The following NEB variants were observed in gnomAD, a reference collection of about 807,000 sequenced individuals.
NEB encodes the protein nemaline myopathy type 2.
In NEB, 512 loss-of-function variants were observed where a neutral mutation model predicts 952.2. The observed-to-expected ratio is 0.54, with a 90% confidence interval of 0.50 to 0.58. The LOEUF (loss-of-function observed/expected upper bound fraction) is 0.58, where lower values mean the gene tolerates loss of function less well. NEB is among the 20% of genes least tolerant of loss of function. NEB has a pLI of 0.00. For synonymous variants in NEB, 2,900 were observed against 3,149.8 expected (o/e 0.92, Z 2.66); for missense variants, 8,428 against 9,231.1 (o/e 0.91, Z 3.56).
At chr2:151,620,347 GTATATATATATATATATA>G (rs71000481) in intron 72 of NEB, among the ~76,000 whole-genome samples, 30 of 48,474 alleles carry the variant, frequency 6.2e-4, no homozygotes, top group African/African-American at 9.3e-4. Context: ...GTATGTGTGT[GTATATATATATATATATA>G]TATATATATA....
At chr2:151,628,537 A>G (rs2098580030) in intron 68 of NEB, among the ~76,000 whole-genome samples, 1 of 152,098 alleles carries the variant, frequency 6.6e-6, no homozygotes, top group African/African-American at 2.4e-5. Flanking sequence ...CCCAACAAAT[A>G]TTTACAGAAG....
In NEB at chr2:151,650,252, T is replaced by C. The variant is rs2099016515; in HGVS notation, c.7355A>G (p.Asp2452Gly). ...AGGAATGCTGGTGAACTTGTTTCTG[T>C]CTGGAGGCTGACGATATTTCTTCTC... ...ISEKKYRQPP[D>G]RNKFTSIPDA... Residue 2452 changes from aspartate to glycine, a missense_variant, in exon 54 of 182, where the codon GAC (aspartate) becomes GGC (glycine). By Grantham distance (94) the Asp-to-Gly change is moderately conservative (BLOSUM62 -1). Transcript: ENST00000397345. 1 of 1,613,948 alleles carries C rather than the reference T, an allele frequency of 6.2e-7. No individual in the cohort carries two copies. Among genetic ancestry groups the C allele is most frequent in the East Asian group, 2.2e-5 (1 of 44,872 alleles).
chr2:151,639,451 G>A, intron 62 of NEB, 67 bp from the exon 63 acceptor site: 4 of 1,169,388 alleles, frequency 3.4e-6, no homozygotes, highest in South Asian at 1.8e-5. Flanking sequence ...GAATTTTAGG[G>A]CCACAAAAAC....
At position 151,493,948 on chromosome 2, in the gene NEB, T is replaced by C. The variant is rs4664455; in HGVS notation, c.24580-81A>G. 0.66 allele frequency: 688,544 copies of C among 1,037,742 alleles called. 230,475 individuals carry two copies. Among genetic ancestry groups the C allele is most frequent in the East Asian group, 0.8 (30,481 of 38,258 alleles). 64.3% of individuals were successfully genotyped at this position (1,037,742 alleles called of 1,614,324 possible). A position where few individuals can be genotyped will look rare whatever the true frequency, so the allele number is the denominator to read the frequency against. ...TTATATTGCAAGTTGGGGGGAAATGTTATGTTTAATCTATTACTATTAGTG... is the reference window on the plus strand; with the variant it reads ...TTATATTGCAAGTTGGGGGGAAATGCTATGTTTAATCTATTACTATTAGTG... On this transcript the variant is annotated intron_variant, in intron 174 of 181. Transcript: ENST00000397345.
At position 151,691,859 on chromosome 2, in the gene NEB, C is replaced by A. The variant is rs797045736; in HGVS notation, c.2211+5G>T. On this transcript the variant is annotated splice_donor_5th_base_variant and intron_variant, in intron 23 of 181. Coordinates refer to ENST00000397345, the MANE Select transcript of NEB (RefSeq NM_001164508.2). ...AATTTCAATAATTCAGGGCAGCTAA[C>A]TTACATCTTTACACTGGTCCAGCTT... 1 of 1,579,408 alleles carries A rather than the reference C, an allele frequency of 6.3e-7. No individual in the cohort carries two copies. The highest frequency in any genetic ancestry group is 1.8e-5 in the Admixed American group (1 of 55,150).
chr2:151,570,182 C>T lies in NEB; in HGVS notation c.17329G>A (p.Val5777Ile). The T allele has an allele frequency of 1.9e-6, 3 of 1,613,650 alleles. No homozygotes were observed. Among genetic ancestry groups the T allele is most frequent in the South Asian group, 2.2e-5 (2 of 90,978 alleles). The change falls in exon 109 of 182, where the codon GTC (valine) becomes ATC (isoleucine). Residue 5777 changes from valine to isoleucine, a missense_variant. By Grantham distance (29) the Val-to-Ile change is conservative. Coordinates refer to ENST00000397345, the MANE Select transcript of NEB (RefSeq NM_001164508.2). ...TAATTGCGGTAATCCATGTCACTGA[C>T]CAGAGCCTGGGAATTTTTAGAGTGC... is the stretch of plus-strand genomic sequence containing the variant. ...ILHSKNSQALVSDMDYRNYLH... is the reference protein window; with the variant it reads ...ILHSKNSQALISDMDYRNYLH...
chr2:151,689,518 T>A (rs1427864151), intron 24 of NEB: 1 of 152,230 alleles, frequency 6.6e-6, no homozygotes, highest in Non-Finnish European at 1.5e-5. Context: ...AATTCTTATT[T>A]AAATTATTAA....
chr2:151,724,130 A>G (rs1211209950), intron 8 of NEB, 130 bp downstream of exon 8: 1 of 736,394 alleles, frequency 1.4e-6, no homozygotes, highest in Non-Finnish European at 2.3e-6. Context: ...GCAGTCTCAC[A>G]TGTCTCAAGG....
intron 41 of NEB, 93 bp downstream of exon 41, chr2:151,665,997 G>A: frequency 7.8e-7 from 1 of 1,279,410 alleles, no homozygotes; most frequent in Non-Finnish European, 1.1e-6. Flanking sequence ...CTTAATTACA[G>A]TGAGTGCAGC....
chr2:151,717,585 T>C, intron 9 of NEB, 65 bp from the exon 10 acceptor site: 1 of 1,212,120 alleles, frequency 8.3e-7, no homozygotes, highest in South Asian at 1.3e-5. Flanking sequence ...ATTTGAAGTC[T>C]TAAATTTTAG....
At chr2:151,522,965 A>C (rs1576129761) in intron 153 of NEB, among the ~76,000 whole-genome samples, 1 of 152,178 alleles carries the variant, frequency 6.6e-6, no homozygotes, top group Admixed American at 6.5e-5. Flanking sequence ...AGTAAATGGG[A>C]CCCATAGGGT....
In NEB at chr2:151,540,366, C is replaced by T; in HGVS notation, c.20870G>A (p.Arg6957Lys). ...TACATCACTGGCATTCCAGTAAGCC[C>T]TCTTGGCTCTGATGAGGATTGGCGT... The part of the protein sequence containing the change: ...PDTPILIRAK[R>K]AYWNASDLRY... Residue 6957 changes from arginine to lysine, a missense_variant, in exon 138 of 182, where the codon AGG becomes AAG. Arg to Lys is a conservative substitution (Grantham distance 26, BLOSUM62 2). This residue lies in a region of NEB where 3,374 missense variants were observed against 3,651.5 expected (regional missense o/e 0.92). Coordinates refer to ENST00000397345, the MANE Select transcript of NEB (RefSeq NM_001164508.2). 1 of 1,582,558 alleles carries T rather than the reference C, an allele frequency of 6.3e-7. No individual in the cohort carries two copies. The highest frequency in any genetic ancestry group is 8.6e-7 in the Non-Finnish European group (1 of 1,162,182).
intron 80 of NEB, 110 bp from the exon 81 acceptor site, chr2:151,610,230 G>C (rs1366323074): frequency 4.3e-6 from 4 of 927,370 alleles, no homozygotes; most frequent in Admixed American, 2.9e-5. Context: ...AAACATTTTG[G>C]CATCTCTGAA....
In NEB at chr2:151,725,011, G is replaced by A. The variant is rs369888024; in HGVS notation, c.403-50C>T. 10 of 1,384,524 alleles carry A rather than the reference G, an allele frequency of 7.2e-6. No homozygotes were observed. In the African/African-American group the frequency reaches 1.3e-4, roughly 18 times the overall value. 85.8% of individuals were successfully genotyped at this position (1,384,524 alleles called of 1,614,324 possible). A position where few individuals can be genotyped will look rare whatever the true frequency, so the allele number is the denominator to read the frequency against. ...GTTCATGACAGGCATGTACATGTGA[G>A]TATATTAAGGAATTTCTTATAACCA... On this transcript the variant is annotated intron_variant, in intron 6 of 181. Transcript: ENST00000397345.
chr2:151,627,984 T>TA, intron 68 of NEB, 150 bp from the exon 69 acceptor site: 1 of 1,116,166 alleles, frequency 9.0e-7, no homozygotes, highest in Non-Finnish European at 1.2e-6. Context: ...CCTAAATTCT[T>TA]ATTAGACTCT....
rs1473647266 is a variant in NEB at position 151,663,630 on chromosome 2, C to T, written c.5681G>A (p.Arg1894Lys). 1 of 1,613,794 alleles carries T rather than the reference C, an allele frequency of 6.2e-7. No homozygotes were observed. Among genetic ancestry groups the T allele is most frequent in the Non-Finnish European group, 8.5e-7 (1 of 1,179,768 alleles). Reference sequence around the variant, plus strand: ...CATGTTGTAGGTATGGATCACGTTCCTGTAGTTGGCATTGGTGGCCACTTC... The same window carrying T: ...CATGTTGTAGGTATGGATCACGTTCTTGTAGTTGGCATTGGTGGCCACTTC... ...SQEVATNANY[R>K]NVIHTYNMLP... Residue 1894 changes from arginine to lysine, a missense_variant, in exon 45 of 182, where the codon AGG becomes AAG. Physicochemically the swap from Arg to Lys is conservative, Grantham distance 26. Around this residue, in one of 11 missense-constraint regions of NEB, gnomAD observed 2,851 missense variants for 2,791.5 expected, o/e 1.02. Transcript: ENST00000397345.
At position 151,527,358 on chromosome 2, in the gene NEB, T is replaced by G. The variant is rs558091865; in HGVS notation, c.21840+123A>C. 99 of 833,798 alleles carry G rather than the reference T, an allele frequency of 1.2e-4. 2 individuals carry two copies. In the African/African-American group the frequency reaches 1.7e-3, roughly 14 times the overall value. The allele number at this position is 833,798 out of a possible 1,614,324, so 51.6% of individuals were successfully genotyped here. ...TATCGCTCCCCCAACCATCCTCCTC[T>G]CCTTCTCGGATCTCAAACGAGCAAG... On this transcript the variant is annotated intron_variant, in intron 147 of 181. Transcript: ENST00000397345.
intron 74 of NEB, among the ~76,000 whole-genome samples, chr2:151,618,016 T>G (rs1331451757): frequency 6.6e-6 from 1 of 152,156 alleles, no homozygotes; most frequent in Admixed American, 6.5e-5. Flanking sequence ...GCCAAGATCG[T>G]GCCATTGCAC....
chr2:151,524,623 T>C lies in NEB; in HGVS notation c.22273-7A>G, dbSNP rs755544084. ...CATCTTTTCTGTAAGCGACCTTTAT[T>C]GGGGAAGAAAATGTTTACTCAAGAG... On this transcript the variant is annotated splice_polypyrimidine_tract_variant and splice_region_variant and intron_variant, in intron 151 of 181. Coordinates refer to ENST00000397345, the MANE Select transcript of NEB (RefSeq NM_001164508.2). 3.9e-6 allele frequency: 6 copies of C among 1,556,112 alleles called. No homozygotes were observed. The highest frequency in any genetic ancestry group is 3.4e-5 in the Admixed American group (2 of 59,634).
Sources: gnomAD v4.1 joint callset for allele counts (sites outside exome capture counted in the v4.1 genomes callset) on GRCh38, gnomAD v4.1.1 for gene constraint, gnomAD v4.1.1 regional missense constraint, MANE v1.5 for transcripts, NCBI Gene and HGNC (gene_info 2026-07-23, HGNC 2026-07-21) for gene names.